The following RANBP2 variants were observed in gnomAD, a reference collection of about 807,000 sequenced individuals.
RANBP2 encodes the protein RAN binding protein 2.
In RANBP2, 57 loss-of-function variants were observed where a neutral mutation model predicts 303.6. The observed-to-expected ratio is 0.19, with a 90% CI of 0.15 to 0.23. RANBP2 has a LOEUF of 0.23. Among genes scored for constraint, RANBP2 ranks in the 10% least tolerant of loss-of-function variants. The probability of loss-of-function intolerance (pLI) is 1.00; values close to 1 mark genes in which losing one functional copy is unlikely to be tolerated. For missense variants in RANBP2, 3,138 were observed against 3,780.8 expected, an observed-to-expected ratio of 0.83 and a Z score of 4.46; for synonymous variants, 1,167 against 1,301.5, an observed-to-expected ratio of 0.90 and a Z score of 2.23.
the RANBP2 span, among the ~76,000 whole-genome samples, chr2:109,119,893 ATT>A: frequency 6.6e-6 from 1 of 152,230 alleles, no homozygotes; most frequent in African/African-American, 2.4e-5. Context: ...AAAAATTGCC[ATT>A]GTTTATGAAG....
chr2:109,397,401 A>G, the RANBP2 span, among the ~76,000 whole-genome samples: 2 of 152,284 alleles, frequency 1.3e-5, no homozygotes, highest in African/African-American at 4.8e-5. Context: ...TCATCCCATG[A>G]TGATTCTAGT....
the RANBP2 span, among the ~76,000 whole-genome samples, chr2:109,420,666 C>T: frequency 6.6e-6 from 1 of 152,242 alleles, no homozygotes; most frequent in Non-Finnish European, 1.5e-5. Context: ...AGGATGGTCT[C>T]GATCTCCTGA....
At chr2:109,556,481 G>C in the RANBP2 span, among the ~76,000 whole-genome samples, 1 of 152,198 alleles carries the variant, frequency 6.6e-6, no homozygotes, top group Non-Finnish European at 1.5e-5. Context: ...AAGGCTGAGA[G>C]GTGAGTTTGA....
the RANBP2 span, among the ~76,000 whole-genome samples, chr2:108,809,264 T>C: frequency 6.6e-6 from 1 of 152,244 alleles, no homozygotes; most frequent in African/African-American, 2.4e-5. Context: ...CCTCCAGTTT[T>C]GTTGTTTTCG....
chr2:109,078,245 G>GTA, the RANBP2 span, among the ~76,000 whole-genome samples: 1 of 33,936 alleles, frequency 2.9e-5, no homozygotes, highest in African/African-American at 1.0e-4. Context: ...TATATATAGC[G>GTA]TGTATATATA....
chr2:109,268,775 G>A, the RANBP2 span, among the ~76,000 whole-genome samples: 2 of 151,688 alleles, frequency 1.3e-5, no homozygotes, highest in Non-Finnish European at 2.9e-5. Flanking sequence ...TGATGATGTC[G>A]CCTACTATAG....
the RANBP2 span, among the ~76,000 whole-genome samples, chr2:109,778,457 G>A: frequency 3.3e-5 from 5 of 149,882 alleles, no homozygotes; most frequent in African/African-American, 1.2e-4. Context: ...CAACAAAGGT[G>A]ATTTTCTTGT....
chr2:109,387,809 T>C, the RANBP2 span, among the ~76,000 whole-genome samples: 1 of 152,278 alleles, frequency 6.6e-6, no homozygotes, highest in Admixed American at 6.5e-5. Flanking sequence ...TGGCCTGCAG[T>C]AGGTGCCCAA....
At chr2:109,035,407 G>A in the RANBP2 span, among the ~76,000 whole-genome samples, 2 of 152,000 alleles carry the variant, frequency 1.3e-5, no homozygotes, top group African/African-American at 4.8e-5. Flanking sequence ...AAAGCTGGAG[G>A]AAGGAAGAAA....
the RANBP2 span, among the ~76,000 whole-genome samples, chr2:109,037,784 T>C: frequency 2.6e-5 from 4 of 152,188 alleles, no homozygotes; most frequent in African/African-American, 9.7e-5. Context: ...AATTATAAAA[T>C]GCTTTTGAAA....
At chr2:109,004,815 T>A in the RANBP2 span, among the ~76,000 whole-genome samples, 5 of 152,194 alleles carry the variant, frequency 3.3e-5, no homozygotes, top group Non-Finnish European at 5.9e-5. Context: ...CAGAAATATC[T>A]AAAACAAAAC....
In RANBP2 at chr2:108,772,915, G is replaced by A. The variant is rs1285890118; in HGVS notation, c.8161G>A (p.Glu2721Lys). 1 of 1,614,000 alleles carries A rather than the reference G, an allele frequency of 6.2e-7. No individual in the cohort carries two copies. The highest frequency in any genetic ancestry group is 1.1e-5 in the South Asian group (1 of 91,062). The change falls in exon 23 of 29, where the codon GAA (glutamate) becomes AAA (lysine). Residue 2721 changes from glutamate (E) to lysine (K), a missense_variant. Coordinates refer to ENST00000283195, the MANE Select transcript of RANBP2 (RefSeq NM_006267.5). ...IIVWEKKPTV[E>K]EKAKADTLKL... ...TGTTTGGGAAAAGAAACCAACAGTT[G>A]AAGAGAAGGCAAAAGCAGATACGTT...
chr2:109,388,293 T>G, the RANBP2 span, among the ~76,000 whole-genome samples: 2 of 152,224 alleles, frequency 1.3e-5, no homozygotes, highest in Non-Finnish European at 2.9e-5. Context: ...ACTGATGAGT[T>G]AGTTGCAGCA....
chr2:109,490,499 A>G, the RANBP2 span: 1 of 986,056 alleles, frequency 1.0e-6, no homozygotes, highest in Non-Finnish European at 1.4e-6. Context: ...AAAATAAGAA[A>G]TTTAAAAATA....
the RANBP2 span, among the ~76,000 whole-genome samples, chr2:109,009,415 T>G: frequency 6.6e-6 from 1 of 152,026 alleles, no homozygotes; most frequent in African/African-American, 2.4e-5. Flanking sequence ...CAGTCTGGAC[T>G]TCTGAAGAAA....
chr2:109,303,230 CT>C, the RANBP2 span, among the ~76,000 whole-genome samples: 3 of 152,214 alleles, frequency 2.0e-5, no homozygotes, highest in Non-Finnish European at 2.9e-5. Context: ...GAGAGATTCA[CT>C]TGGCCCCAAC....
chr2:109,328,025 T>A, the RANBP2 span, among the ~76,000 whole-genome samples: 7 of 152,218 alleles, frequency 4.6e-5, no homozygotes, highest in Non-Finnish European at 5.9e-5. Context: ...GTCCCTCCAC[T>A]TTTTTTGTTT....
the RANBP2 span, among the ~76,000 whole-genome samples, chr2:109,538,708 C>T: frequency 2.0e-5 from 3 of 152,104 alleles, no homozygotes; most frequent in Admixed American, 6.5e-5. Flanking sequence ...TTAGTAGAGA[C>T]GGGGTTTCGC....
chr2:109,361,566 C>G, the RANBP2 span, among the ~76,000 whole-genome samples: 1 of 152,116 alleles, frequency 6.6e-6, no homozygotes, highest in Non-Finnish European at 1.5e-5. Flanking sequence ...CTCCGCCTCC[C>G]TGGTCCAAGC....
Sources: gnomAD v4.1 joint callset for allele counts (sites outside exome capture counted in the v4.1 genomes callset) on GRCh38, gnomAD v4.1.1 for gene constraint, MANE v1.5 for transcripts, NCBI Gene and HGNC (gene_info 2026-07-23, HGNC 2026-07-21) for gene names.